RALGPS2: variants seen among roughly 807,000 people sequenced by gnomAD.
RALGPS2 encodes ras-specific guanine nucleotide-releasing factor RalGPS2.
A neutral mutation model predicts 86.8 loss-of-function variants in RALGPS2; 43 were observed. That is an observed-to-expected ratio of 0.50 (90% CI 0.39 to 0.64). The LOEUF (loss-of-function observed/expected upper bound fraction) is 0.64. Among genes scored for constraint, RALGPS2 ranks in the 30% least tolerant of loss-of-function variants. The pLI, the probability that RALGPS2 is intolerant of heterozygous loss-of-function variation, is 0.00. For synonymous variants in RALGPS2, 243 were observed against 231.3 expected (o/e 1.05, Z -0.46); for missense variants, 536 against 694.6 (o/e 0.77, Z 2.57).
intron 19 of RALGPS2, among the ~76,000 whole-genome samples, chr1:178,912,300 G>A (rs988718665): frequency 1.3e-5 from 2 of 152,160 alleles, no homozygotes; most frequent in Non-Finnish European, 2.9e-5. Context: ...ATATACTTAA[G>A]TGTGTTTTTG....
At chr1:178,847,572 G>A (rs952860489) in intron 8 of RALGPS2, among the ~76,000 whole-genome samples, 55 of 151,992 alleles carry the variant, frequency 3.6e-4, no homozygotes, top group African/African-American at 1.3e-3. Context: ...ACAGACACTA[G>A]AATAAAAAGA....
intron 1 of RALGPS2, among the ~76,000 whole-genome samples, chr1:178,755,538 C>T (rs1023592043): frequency 1.1e-4 from 17 of 152,250 alleles, no homozygotes; most frequent in East Asian, 1.9e-4. Context: ...TTTATGGCTG[C>T]GTAATATTCC....
At chr1:178,860,270 G>A (rs953566637) in intron 8 of RALGPS2, among the ~76,000 whole-genome samples, 5 of 151,072 alleles carry the variant, frequency 3.3e-5, no homozygotes, top group African/African-American at 1.2e-4. Context: ...CTTGTCAGGT[G>A]TATTATTACA....
At chr1:178,819,061 T>A (rs1169534887) in intron 6 of RALGPS2, among the ~76,000 whole-genome samples, 1 of 151,092 alleles carries the variant, frequency 6.6e-6, no homozygotes, top group East Asian at 1.9e-4. Context: ...CAAGCATGGC[T>A]CATCACAACC....
chr1:178,821,556 T>G, intron 6 of RALGPS2, 56 bp from the exon 7 acceptor site: 1 of 1,342,182 alleles, frequency 7.5e-7, no homozygotes, highest in South Asian at 1.2e-5. Flanking sequence ...CTAAATTTTC[T>G]TGTATTCATG....
At chr1:178,899,695 A>G (rs544657301) in intron 17 of RALGPS2, among the ~76,000 whole-genome samples, 2 of 149,224 alleles carry the variant, frequency 1.3e-5, no homozygotes, top group Non-Finnish European at 3.0e-5. Flanking sequence ...TCTTATGAGG[A>G]AATAATCAAA....
intron 5 of RALGPS2, among the ~76,000 whole-genome samples, chr1:178,810,829 A>G (rs1164454488): frequency 6.6e-6 from 1 of 152,084 alleles, no homozygotes; most frequent in African/African-American, 2.4e-5. Flanking sequence ...GTATAAGTGA[A>G]CCAACTTACA....
chr1:178,917,575 A>G lies in RALGPS2; in HGVS notation c.*1216A>G, dbSNP rs1406927990. 2.0e-5 allele frequency: 3 copies of G among 152,212 alleles called. No individual in the cohort carries two copies. The highest frequency in any genetic ancestry group is 2.9e-5 in the Non-Finnish European group (2 of 68,020). The allele number at this position is 152,212 out of a possible 1,614,324, so 9.4% of individuals were successfully genotyped here. ...AAACTTTATACTTGTATGATTTACC[A>G]TAAACATACCAAAACATTTTTCTGA... On this transcript the variant is annotated 3_prime_UTR_variant, in exon 20 of 20. Transcript: ENST00000367635.
At chr1:178,879,129 T>A in intron 10 of RALGPS2, 137 bp downstream of exon 10, 3 of 1,204,624 alleles carry the variant, frequency 2.5e-6, no homozygotes, top group Non-Finnish European at 3.3e-6. Context: ...GTAAAGGTAC[T>A]AACATGTATT....
intron 2 of RALGPS2, among the ~76,000 whole-genome samples, chr1:178,777,788 G>A (rs966741295): frequency 7.9e-5 from 12 of 151,990 alleles, no homozygotes; most frequent in Middle Eastern, 3.4e-3. Context: ...AACAAGCAAC[G>A]GGGAAAGGAT....
chr1:178,738,203 CTTTTTTTT>C (rs1051296802), intron 1 of RALGPS2, among the ~76,000 whole-genome samples: 1 of 110,744 alleles, frequency 9.0e-6, no homozygotes, highest in African/African-American at 3.7e-5. Context: ...AGATGGATAT[CTTTTTTTT>C]TTTTTTTTTT....
At chr1:178,801,358 CT>C (rs1654464190) in intron 4 of RALGPS2, among the ~76,000 whole-genome samples, 1 of 151,986 alleles carries the variant, frequency 6.6e-6, no homozygotes, top group African/African-American at 2.4e-5. Flanking sequence ...AAACAGATGT[CT>C]TAATAGTAGC....
At chr1:178,883,321 G>T (rs969825571) in intron 10 of RALGPS2, 145 bp from the exon 11 acceptor site, 2 of 607,784 alleles carry the variant, frequency 3.3e-6, no homozygotes, top group Non-Finnish European at 5.8e-6. Flanking sequence ...TTAAAAAGAA[G>T]AAGATTGCTC....
At chr1:178,879,723 A>G (rs2102367732) in intron 10 of RALGPS2, 1 of 149,460 alleles carries the variant, frequency 6.7e-6, no homozygotes, top group Non-Finnish European at 1.5e-5. Flanking sequence ...CAGGAGGCAG[A>G]GGTTGCAGTG....
intron 2 of RALGPS2, among the ~76,000 whole-genome samples, chr1:178,782,184 C>T (rs1653426753): frequency 2.0e-5 from 3 of 152,020 alleles, no homozygotes; most frequent in African/African-American, 7.2e-5. Flanking sequence ...CCACGTAAAC[C>T]CTAATTGATG....
chr1:178,897,596 T>C (rs1295294435), intron 16 of RALGPS2, 68 bp from the exon 17 acceptor site: 9 of 1,307,014 alleles, frequency 6.9e-6, no homozygotes, highest in Non-Finnish European at 9.9e-6. Context: ...TCATTGGCAC[T>C]TAGAATGTAA....
chr1:178,908,374 G>A (rs1187687878), intron 19 of RALGPS2, among the ~76,000 whole-genome samples: 1 of 152,174 alleles, frequency 6.6e-6, no homozygotes, highest in Non-Finnish European at 1.5e-5. Flanking sequence ...CTTTGCTATA[G>A]TGTATACTGC....
intron 8 of RALGPS2, chr1:178,865,202 A>G: frequency 6.2e-7 from 1 of 1,613,922 alleles, no homozygotes; most frequent in Non-Finnish European, 8.5e-7. Context: ...CAAAGTGATC[A>G]TCACAGATTG....
At chr1:178,853,115 T>A in intron 8 of RALGPS2, 1 of 985,400 alleles carries the variant, frequency 1.0e-6, no homozygotes, top group Non-Finnish European at 1.2e-6. Flanking sequence ...AAGCCACACA[T>A]TGTCATTCTC....
Sources: gnomAD v4.1 joint callset for allele counts (sites outside exome capture counted in the v4.1 genomes callset) on GRCh38, gnomAD v4.1.1 for gene constraint, MANE v1.5 for transcripts, NCBI Gene and HGNC (gene_info 2026-07-23, HGNC 2026-07-21) for gene names.